Variants in TBCE observed in about 807,000 individuals in gnomAD.
TBCE encodes the protein tubulin-specific chaperone E.
TBCE carries 53 observed loss-of-function variants against 77.0 expected under a neutral mutation model. The observed-to-expected ratio is 0.69, with a 90% CI of 0.55 to 0.87. TBCE has a LOEUF of 0.87. Among genes scored for constraint, TBCE ranks in the 40% least tolerant of loss-of-function variants. The pLI, the probability that TBCE is intolerant of heterozygous loss-of-function variation, is 0.00. For synonymous variants in TBCE, 235 were observed against 241.3 expected (o/e 0.97, Z 0.24); for missense variants, 624 against 622.4 (o/e 1.00, Z -0.03).
At chr1:235,432,945 G>T in intron 7 of TBCE, 2 of 1,271,606 alleles carry the variant, frequency 1.6e-6, no homozygotes, top group Non-Finnish European at 2.0e-6. Context: ...AAAAAAATTA[G>T]GCTCATGCGC....
intron 4 of TBCE, chr1:235,415,123 A>T (rs1162232413): frequency 5.3e-6 from 1 of 189,264 alleles, no homozygotes; most frequent in Admixed American, 5.3e-5. Context: ...ATTTTGGGAT[A>T]TGGGCTCTAA....
At chr1:235,421,308 G>A (rs572226717) in intron 5 of TBCE, among the ~76,000 whole-genome samples, 6 of 152,152 alleles carry the variant, frequency 3.9e-5, no homozygotes, top group South Asian at 2.1e-4. Context: ...TCAGCTACTC[G>A]GGAGGCTGAG....
intron 3 of TBCE, among the ~76,000 whole-genome samples, chr1:235,406,600 C>T (rs556920824): frequency 3.0e-4 from 46 of 152,222 alleles, no homozygotes; most frequent in African/African-American, 1.1e-3. Flanking sequence ...TGCACCATCT[C>T]GGCTCACTGC....
intron 2 of TBCE, among the ~76,000 whole-genome samples, chr1:235,394,910 G>T (rs193175020): frequency 6.6e-6 from 1 of 151,812 alleles, no homozygotes; most frequent in African/African-American, 2.4e-5. Context: ...TTCCTATGGC[G>T]CCCAGACTGG....
chr1:235,438,148 GT>G (rs1681582591), intron 12 of TBCE, among the ~76,000 whole-genome samples: 2 of 152,256 alleles, frequency 1.3e-5, no homozygotes, highest in Non-Finnish European at 2.9e-5. Flanking sequence ...TTCACTGGGA[GT>G]CAGTCAGCTC....
intron 2 of TBCE, among the ~76,000 whole-genome samples, chr1:235,401,219 C>T (rs1394042405): frequency 6.6e-6 from 1 of 152,010 alleles, no homozygotes; most frequent in African/African-American, 2.4e-5. Flanking sequence ...TGGCTTATTT[C>T]TCTTAGTGTA....
At position 235,442,923 on chromosome 1, in the gene TBCE, C is replaced by T. The variant is rs1681993682; in HGVS notation, c.1399+12C>T. On this transcript the variant is annotated intron_variant, in intron 15 of 16. Transcript: ENST00000642610. ...GAAACAACTGCCGGGTAAGAAGAAC[C>T]AGCCTGTCTTTTCCTTAAACTCTGA... 2 of 1,613,766 alleles carry T rather than the reference C, an allele frequency of 1.2e-6. No individual in the cohort carries two copies. The highest frequency in any genetic ancestry group is 1.7e-6 in the Non-Finnish European group (2 of 1,179,868).
At chr1:235,407,859 G>A (rs142071957) in intron 3 of TBCE, among the ~76,000 whole-genome samples, 28 of 151,870 alleles carry the variant, frequency 1.8e-4, no homozygotes, top group South Asian at 1.0e-3. Context: ...CTTGTCCGTA[G>A]ACAGCAGAGT....
Position 235,419,470 on chromosome 1 carries a change from C to T in TBCE, c.372-3C>T. The T allele has an allele frequency of 1.9e-6, 3 of 1,614,072 alleles. No homozygotes were observed. Among genetic ancestry groups the T allele is most frequent in the Non-Finnish European group, 2.5e-6 (3 of 1,180,016 alleles). On this transcript the variant is annotated splice_region_variant and splice_polypyrimidine_tract_variant and intron_variant, in intron 4 of 16. Coordinates refer to ENST00000642610, the MANE Select transcript of TBCE (RefSeq NM_003193.5). ...ATCCATGTGAACTCTGTTTTTCATG[C>T]AGTCAGCTGAGCAAGTTGCAAGAAG...
At chr1:235,403,501 C>A (rs1330689310) in intron 3 of TBCE, among the ~76,000 whole-genome samples, 4 of 152,186 alleles carry the variant, frequency 2.6e-5, no homozygotes, top group African/African-American at 4.8e-5. Context: ...TGAGCCACCA[C>A]CCCCTGTGAA....
intron 12 of TBCE, 32 bp downstream of exon 12, chr1:235,437,506 T>A: frequency 6.2e-7 from 1 of 1,612,014 alleles, no homozygotes; most frequent in Non-Finnish European, 8.5e-7. Context: ...AGATATTTTT[T>A]AGACTAGAAA....
At chr1:235,426,771 G>A (rs980099151) in intron 5 of TBCE, among the ~76,000 whole-genome samples, 7 of 152,146 alleles carry the variant, frequency 4.6e-5, no homozygotes, top group African/African-American at 1.4e-4. Context: ...TTAACCTCCT[G>A]AGTAGCTGGA....
intron 15 of TBCE, among the ~76,000 whole-genome samples, chr1:235,447,920 T>TGAAA (rs1238315593): frequency 6.6e-6 from 1 of 152,010 alleles, no homozygotes; most frequent in African/African-American, 2.4e-5. Flanking sequence ...TTGGGTAAAA[T>TGAAA]GAAAGATACA....
chr1:235,419,668 C>G, intron 5 of TBCE, 107 bp downstream of exon 5: 1 of 1,468,880 alleles, frequency 6.8e-7, no homozygotes, highest in South Asian at 1.2e-5. Context: ...CAACTTCCTT[C>G]CTAATGCAGT....
At chr1:235,394,418 C>CTTTTTTTTTTTTTTTTTTT (rs386370043) in intron 2 of TBCE, among the ~76,000 whole-genome samples, 1 of 72,314 alleles carries the variant, frequency 1.4e-5, no homozygotes, top group Non-Finnish European at 2.4e-5. Flanking sequence ...TTGATAATTT[C>CTTTTTTTTTTTTTTTTTTT]TTTTTTTTTT....
At chr1:235,398,581 T>C (rs1678887135) in intron 2 of TBCE, among the ~76,000 whole-genome samples, 1 of 151,416 alleles carries the variant, frequency 6.6e-6, no homozygotes, top group Non-Finnish European at 1.5e-5. Context: ...CCTTTTTTTC[T>C]CCCTTCATTG....
intron 1 of TBCE, 136 bp from the exon 2 acceptor site, chr1:235,379,883 G>T (rs1267509400): frequency 1.9e-6 from 1 of 528,502 alleles, no homozygotes; most frequent in Admixed American, 2.8e-5. Context: ...GGAAGGTGGG[G>T]GTTGCAGTGA....
chr1:235,409,009 C>CTTTTT (rs10565716), intron 3 of TBCE, among the ~76,000 whole-genome samples: 2 of 138,626 alleles, frequency 1.4e-5, no homozygotes, highest in Non-Finnish European at 3.1e-5. Flanking sequence ...AACAGCCAAT[C>CTTTTT]TTTTTTTTTT....
At chr1:235,416,318 C>A (rs1025373902) in intron 4 of TBCE, among the ~76,000 whole-genome samples, 1 of 151,582 alleles carries the variant, frequency 6.6e-6, no homozygotes, top group African/African-American at 2.4e-5. Flanking sequence ...ATACAAATAG[C>A]CTGGGCAACA....
Sources: allele counts gnomAD v4.1 joint callset (sites outside exome capture counted in the v4.1 genomes callset), GRCh38; gene constraint gnomAD v4.1.1; transcripts MANE v1.5; gene names NCBI Gene and HGNC (gene_info 2026-07-23, HGNC 2026-07-21).